PRELID2: variants seen among roughly 807,000 people sequenced by gnomAD.
PRELID2 encodes PRELI domain-containing protein 2.
In PRELID2, 25 loss-of-function variants were observed where a neutral mutation model predicts 28.4. The ratio of observed to expected loss-of-function variants is 0.88; its 90% CI spans 0.64 to 1.23. The LOEUF (loss-of-function observed/expected upper bound fraction) is 1.23. Ranked by LOEUF, PRELID2 falls within the 50% of genes most tolerant of loss-of-function variation. PRELID2 has a pLI of 0.00. For synonymous variants in PRELID2, 76 were observed against 71.6 expected (o/e 1.06, Z -0.31); for missense variants, 201 against 214.4 (o/e 0.94, Z 0.39).
chr5:145,476,303 G>A (rs1752100632), intron 1 of PRELID2, among the ~76,000 whole-genome samples: 1 of 152,190 alleles, frequency 6.6e-6, no homozygotes, highest in African/African-American at 2.4e-5. Context: ...AAAATATGCA[G>A]AAAATTATGT....
the PRELID2 span, chr5:145,381,780 T>TG: frequency 1.3e-5 from 2 of 152,134 alleles, no homozygotes; most frequent in Non-Finnish European, 2.9e-5. Flanking sequence ...TTCAAGATAA[T>TG]CAACCTTCTA....
the PRELID2 span, among the ~76,000 whole-genome samples, chr5:145,362,003 C>T: frequency 5.3e-5 from 8 of 152,272 alleles, 1 homozygote; most frequent in Non-Finnish European, 1.0e-4. Flanking sequence ...TCAACACAAT[C>T]ATGATTCAAC....
the PRELID2 span, among the ~76,000 whole-genome samples, chr5:145,278,917 A>C: frequency 6.6e-6 from 1 of 152,158 alleles, no homozygotes; most frequent in Non-Finnish European, 1.5e-5. Context: ...AATTATTCTG[A>C]GGAGTAAGAG....
intron 5 of PRELID2, among the ~76,000 whole-genome samples, chr5:145,785,380 C>T (rs756332856): frequency 1.3e-5 from 2 of 152,166 alleles, no homozygotes; most frequent in Non-Finnish European, 2.9e-5. Context: ...GCACAGCATA[C>T]TATGCTTTTA....
At chr5:145,321,650 G>A in the PRELID2 span, among the ~76,000 whole-genome samples, 5 of 152,150 alleles carry the variant, frequency 3.3e-5, no homozygotes, top group Non-Finnish European at 7.4e-5. Context: ...AAGCACTGAC[G>A]TTTGGATATT....
chr5:145,789,902 C>T (rs1041640125), intron 5 of PRELID2, among the ~76,000 whole-genome samples: 1 of 152,070 alleles, frequency 6.6e-6, no homozygotes, highest in Admixed American at 6.6e-5. Context: ...GAAGGTTCAA[C>T]AGCACCAATC....
the PRELID2 span, among the ~76,000 whole-genome samples, chr5:145,255,796 A>G: frequency 2.0e-4 from 30 of 150,278 alleles, no homozygotes; most frequent in African/African-American, 7.5e-4. Flanking sequence ...CTATATATAT[A>G]TGTTATTAAA....
At chr5:145,234,453 T>G in the PRELID2 span, among the ~76,000 whole-genome samples, 1 of 152,176 alleles carries the variant, frequency 6.6e-6, no homozygotes, top group Non-Finnish European at 1.5e-5. Context: ...GTCATTAGTC[T>G]CTGCCCTTAA....
In PRELID2 at chr5:145,514,318, C is replaced by CAAAAAAAAAAAAAAAAAAA. The variant is rs55760860; in HGVS notation, n.71-41004_71-41003insTTTTTTTTTTTTTTTTTTT. Among the ~76,000 whole-genome samples the CAAAAAAAAAAAAAAAAAAA allele has an allele frequency of 2.7e-4, 18 of 67,468 alleles. 1 individual carries two copies. The highest frequency in any genetic ancestry group is 3.6e-4 in the Non-Finnish European group (12 of 33,210). 44.3% of individuals were successfully genotyped at this position (67,468 alleles called of 152,430 possible). A position where few individuals can be genotyped will look rare whatever the true frequency, so the allele number is the denominator to read the frequency against. On this transcript the variant is annotated intron_variant and non_coding_transcript_variant, in intron 1 of 2. Coordinates refer to the PRELID2 transcript ENST00000510259. ...GAATATTTACCAAGCAAATGGAAAGCAAAAAAAAAAAAAAAGCATGGGTTG... is the reference window on the plus strand; with the variant it reads ...GAATATTTACCAAGCAAATGGAAAGCAAAAAAAAAAAAAAAAAAAAAAAAAAAAAAAAAAGCATGGGTTG...
At chr5:145,341,024 G>A in the PRELID2 span, among the ~76,000 whole-genome samples, 1 of 151,570 alleles carries the variant, frequency 6.6e-6, no homozygotes, top group Non-Finnish European at 1.5e-5. Context: ...ATCATACAGA[G>A]ATCACACTAC....
At chr5:145,370,704 G>C in the PRELID2 span, among the ~76,000 whole-genome samples, 1 of 151,916 alleles carries the variant, frequency 6.6e-6, no homozygotes. Flanking sequence ...CTGTAAGTTA[G>C]TTCGGGCAAA....
the PRELID2 span, among the ~76,000 whole-genome samples, chr5:145,343,554 A>C: frequency 6.6e-6 from 1 of 151,932 alleles, no homozygotes; most frequent in Non-Finnish European, 1.5e-5. Flanking sequence ...AAATGCCTAC[A>C]TCAAAAAATT....
intron 5 of PRELID2, among the ~76,000 whole-genome samples, chr5:145,789,849 C>T (rs1752248098): frequency 6.6e-6 from 1 of 152,036 alleles, no homozygotes; most frequent in African/African-American, 2.4e-5. Flanking sequence ...CAGCTATTTC[C>T]CACAAGAAAA....
intron 1 of PRELID2, among the ~76,000 whole-genome samples, chr5:145,826,742 A>G (rs1755219100): frequency 6.6e-6 from 1 of 152,160 alleles, no homozygotes; most frequent in Non-Finnish European, 1.5e-5. Flanking sequence ...AAGCAAACAC[A>G]TATATATAAA....
At chr5:145,707,849 C>T (rs937475708) in intron 1 of PRELID2, among the ~76,000 whole-genome samples, 3 of 152,036 alleles carry the variant, frequency 2.0e-5, no homozygotes, top group African/African-American at 7.2e-5. Flanking sequence ...GGAGAGCATG[C>T]AAAAGGCTGC....
chr5:145,545,222 G>A (rs1032529755), intron 1 of PRELID2, among the ~76,000 whole-genome samples: 10 of 152,000 alleles, frequency 6.6e-5, no homozygotes, highest in Admixed American at 5.9e-4. Flanking sequence ...AGAGGTCAGT[G>A]CATCAAATGA....
chr5:145,321,924 C>T, the PRELID2 span, among the ~76,000 whole-genome samples: 8 of 152,156 alleles, frequency 5.3e-5, no homozygotes, highest in East Asian at 3.9e-4. Flanking sequence ...CATAATGTGG[C>T]GCTGGAGCTC....
intron 5 of PRELID2, among the ~76,000 whole-genome samples, chr5:145,787,085 G>A (rs987490805): frequency 6.6e-6 from 1 of 152,080 alleles, no homozygotes; most frequent in African/African-American, 2.4e-5. Context: ...GAGAGTGGCT[G>A]AAATAACAAA....
intron 1 of PRELID2, among the ~76,000 whole-genome samples, chr5:145,671,594 C>A (rs907495963): frequency 1.3e-5 from 2 of 152,174 alleles, no homozygotes; most frequent in Non-Finnish European, 2.9e-5. Flanking sequence ...TGTTTTCCAG[C>A]AGCTGTGGCA....
Sources: gnomAD v4.1 joint callset for allele counts (sites outside exome capture counted in the v4.1 genomes callset) on GRCh38, gnomAD v4.1.1 for gene constraint, MANE v1.5 for transcripts, NCBI Gene and HGNC (gene_info 2026-07-23, HGNC 2026-07-21) for gene names.